TUSC3: variants seen among roughly 807,000 people sequenced by gnomAD.
TUSC3 encodes the protein dolichyl-diphosphooligosaccharide--protein glycosyltransferase subunit TUSC3.
TUSC3 carries 45 observed loss-of-function variants against 44.8 expected under a neutral mutation model. The observed-to-expected ratio is 1.00, with a 90% CI of 0.79 to 1.29. The LOEUF (loss-of-function observed/expected upper bound fraction) is 1.29, where lower values mean the gene tolerates loss of function less well. Ranked by LOEUF, TUSC3 falls within the 50% of genes most tolerant of loss-of-function variation. The pLI, the probability that TUSC3 is intolerant of heterozygous loss-of-function variation, is 0.00. For missense variants in TUSC3, 519 were observed against 437.9 expected (o/e 1.19, Z -1.65); for synonymous variants, 212 against 152.9 (o/e 1.39, Z -2.85).
At chr8:15,657,628 T>C (rs768737211) in intron 3 of TUSC3, among the ~76,000 whole-genome samples, 4 of 152,216 alleles carry the variant, frequency 2.6e-5, no homozygotes, top group Non-Finnish European at 5.9e-5. Flanking sequence ...CTGAGCCCTC[T>C]CTAGAATCAC....
At chr8:15,662,768 A>G (rs1807481417) in intron 5 of TUSC3, among the ~76,000 whole-genome samples, 2 of 152,006 alleles carry the variant, frequency 1.3e-5, no homozygotes, top group Non-Finnish European at 2.9e-5. Context: ...ATACAGAGTA[A>G]TCAACAAATG....
chr8:15,544,742 T>C (rs1211440985), intron 1 of TUSC3, among the ~76,000 whole-genome samples: 1 of 151,692 alleles, frequency 6.6e-6, no homozygotes, highest in Non-Finnish European at 1.5e-5. Context: ...AAGAAAAAGT[T>C]TGCAGTGATA....
At chr8:15,739,493 CAT>C (rs1402201985) in intron 7 of TUSC3, among the ~76,000 whole-genome samples, 2 of 151,984 alleles carry the variant, frequency 1.3e-5, no homozygotes, top group African/African-American at 4.8e-5. Context: ...TTTTTTAACT[CAT>C]ATAATTTGAA....
At chr8:15,571,795 G>A (rs1276253831) in intron 1 of TUSC3, among the ~76,000 whole-genome samples, 3 of 152,078 alleles carry the variant, frequency 2.0e-5, no homozygotes, top group Non-Finnish European at 2.9e-5. Context: ...TTTATGCAGC[G>A]TTCTTTCTCC....
Position 15,568,239 on chromosome 8 carries a change from C to A in TUSC3, c.138+27671C>A, listed in dbSNP as rs1348424630. Among the ~76,000 whole-genome samples, 14 of 152,280 alleles carry A rather than the reference C, an allele frequency of 9.2e-5. No individual in the cohort carries two copies. In the East Asian group the frequency reaches 2.1e-3, roughly 23 times the overall value. On this transcript the variant is annotated intron_variant, in intron 1 of 10. Transcript: ENST00000503731. ...GTGTGCAGATGCTAAGCAAAAAACA[C>A]AAAGAGAAGAGGCATTCATTTATTC...
intron 10 of TUSC3, among the ~76,000 whole-genome samples, chr8:15,759,179 A>T (rs1252242981): frequency 1.3e-5 from 2 of 152,170 alleles, no homozygotes; most frequent in Non-Finnish European, 2.9e-5. Context: ...ATCTGTGCTT[A>T]GTGAACAACC....
the TUSC3 span, among the ~76,000 whole-genome samples, chr8:15,798,844 G>A: frequency 2.6e-5 from 4 of 152,096 alleles, no homozygotes; most frequent in African/African-American, 9.7e-5. Flanking sequence ...TATCACTTAA[G>A]CTCTTGCCTT....
In TUSC3 at chr8:15,567,357, T is replaced by A. The variant is rs1025057251; in HGVS notation, c.138+26789T>A. The stretch of plus-strand genomic sequence containing the variant: ...CTGTCTTGGTTCTAGCACAGTAGTT[T>A]AAAACGTTTTCTCATCAAATATTAG... On this transcript the variant is annotated intron_variant, in intron 1 of 10. Coordinates refer to ENST00000503731, the MANE Select transcript of TUSC3 (RefSeq NM_006765.4). 4.6e-5 allele frequency among the ~76,000 whole-genome samples: 7 copies of A among 152,292 alleles called. No homozygotes were observed. The East Asian group carries it at 1.4e-3, about 29-fold the overall frequency.
the TUSC3 span, among the ~76,000 whole-genome samples, chr8:15,818,953 G>C: frequency 2.0e-5 from 3 of 152,170 alleles, no homozygotes; most frequent in Non-Finnish European, 4.4e-5. Context: ...GTCTCGTGCA[G>C]TGGTTCACAC....
chr8:15,616,730 G>C (rs558125534), intron 1 of TUSC3, among the ~76,000 whole-genome samples: 1 of 152,274 alleles, frequency 6.6e-6, no homozygotes, highest in South Asian at 2.1e-4. Flanking sequence ...CTCTGACCTC[G>C]AGACTCCCTG....
intron 7 of TUSC3, among the ~76,000 whole-genome samples, chr8:15,740,883 A>T (rs543662586): frequency 6.6e-6 from 1 of 152,214 alleles, no homozygotes; most frequent in African/African-American, 2.4e-5. Context: ...AACAAATGCC[A>T]TCAGTAAGAT....
chr8:15,780,048 G>T, the TUSC3 span, among the ~76,000 whole-genome samples: 127 of 152,276 alleles, frequency 8.3e-4, no homozygotes, highest in Non-Finnish European at 1.6e-3. Context: ...AACTAGCAAT[G>T]TGTTATGCCA....
intron 2 of TUSC3, among the ~76,000 whole-genome samples, chr8:15,504,611 ATATATATATATTTTTTTTT>A (rs1292697816): frequency 5.4e-4 from 12 of 22,322 alleles, no homozygotes; most frequent in African/African-American, 2.9e-3. Flanking sequence ...ATATATATAT[ATATATATATATTTTTTTTT>A]TTTTTTTTTT....
chr8:15,455,773 A>G (rs1464805002), intron 1 of TUSC3, among the ~76,000 whole-genome samples: 2 of 152,164 alleles, frequency 1.3e-5, no homozygotes, highest in East Asian at 3.9e-4. Context: ...AGGCCAAGGT[A>G]ACTACGGGAG....
At chr8:15,608,403 A>G (rs1804622352) in intron 1 of TUSC3, among the ~76,000 whole-genome samples, 1 of 152,168 alleles carries the variant, frequency 6.6e-6, no homozygotes, top group South Asian at 2.1e-4. Context: ...GAACAATAGT[A>G]GGGACATCCT....
At chr8:15,715,950 T>C (rs892514022) in intron 6 of TUSC3, among the ~76,000 whole-genome samples, 4 of 152,110 alleles carry the variant, frequency 2.6e-5, no homozygotes, top group Non-Finnish European at 2.9e-5. Flanking sequence ...GAGTTTTGAC[T>C]GTGCTTACAT....
intron 1 of TUSC3, among the ~76,000 whole-genome samples, chr8:15,598,682 G>T (rs1322911271): frequency 6.6e-6 from 1 of 151,646 alleles, no homozygotes; most frequent in East Asian, 1.9e-4. Context: ...TCATAAAGTT[G>T]GAATCATACA....
At chr8:15,423,091 T>A (rs1385051631) in intron 1 of TUSC3, among the ~76,000 whole-genome samples, 2 of 152,034 alleles carry the variant, frequency 1.3e-5, no homozygotes, top group Non-Finnish European at 2.9e-5. Flanking sequence ...ATGTTAAAAG[T>A]TTTTTTTAAG....
intron 1 of TUSC3, among the ~76,000 whole-genome samples, chr8:15,563,450 G>T (rs1361202743): frequency 6.6e-6 from 1 of 152,036 alleles, no homozygotes; most frequent in African/African-American, 2.4e-5. Context: ...CATTTTGGGA[G>T]GCTGAGGTGG....
Sources: gnomAD v4.1 joint callset for allele counts (sites outside exome capture counted in the v4.1 genomes callset) on GRCh38, gnomAD v4.1.1 for gene constraint, MANE v1.5 for transcripts, NCBI Gene and HGNC (gene_info 2026-07-23, HGNC 2026-07-21) for gene names.